The following SLCO5A1 variants were observed in gnomAD, a reference collection of about 807,000 sequenced individuals.
SLCO5A1 encodes organic anion transporter polypeptide-related protein 4.
SLCO5A1 carries 39 observed loss-of-function variants against 65.1 expected under a neutral mutation model. That is an observed-to-expected ratio of 0.60 (90% CI 0.46 to 0.78). SLCO5A1 has a LOEUF of 0.78. SLCO5A1 is among the 30% of genes least tolerant of loss of function. The probability of loss-of-function intolerance (pLI) is 0.00; values close to 1 mark genes in which losing one functional copy is unlikely to be tolerated. For missense variants in SLCO5A1, 1,029 were observed against 1,069.4 expected, an observed-to-expected ratio of 0.96 and a Z score of 0.53; for synonymous variants, 438 against 415.7, an observed-to-expected ratio of 1.05 and a Z score of -0.65.
intron 5 of SLCO5A1, among the ~76,000 whole-genome samples, chr8:69,707,557 A>G (rs958645211): frequency 2.6e-5 from 4 of 152,198 alleles, no homozygotes; most frequent in African/African-American, 9.7e-5. Context: ...GACCATGAAA[A>G]GGAGCTCAGG....
rs530274740 is a variant in SLCO5A1 at position 69,672,083 on chromosome 8, C to G, written c.*786G>C. The stretch of plus-strand genomic sequence containing the variant: ...CAGTTTCTAGCCATATTGTTTAGCA[C>G]ACTAGTTTTAATGCTCCTTACAAAA... On this transcript the variant is annotated 3_prime_UTR_variant, in exon 10 of 10. Coordinates refer to ENST00000260126, the MANE Select transcript of SLCO5A1 (RefSeq NM_030958.3). 2.4e-4 allele frequency: 36 copies of G among 152,292 alleles called. No homozygotes were observed. The highest frequency in any genetic ancestry group is 7.9e-4 in the African/African-American group (33 of 41,562). The allele number at this position is 152,292 out of a possible 1,614,324, so 9.4% of individuals were successfully genotyped here. A position where few individuals can be genotyped will look rare whatever the true frequency, so the allele number is the denominator to read the frequency against.
At chr8:69,675,441 T>C (rs1312435977) in intron 9 of SLCO5A1, among the ~76,000 whole-genome samples, 1 of 152,148 alleles carries the variant, frequency 6.6e-6, no homozygotes, top group African/African-American at 2.4e-5. Context: ...CCTCCCAAAG[T>C]GCAGGGATTA....
rs971029838 is a variant in SLCO5A1 at position 69,773,279 on chromosome 8, C to T, written c.908-11404G>A. On this transcript the variant is annotated intron_variant, in intron 2 of 9. Coordinates refer to ENST00000260126, the MANE Select transcript of SLCO5A1 (RefSeq NM_030958.3). ...GGCAGTACAGAACTGGCTCCCTCTA[C>T]CATGCAATAGCATTTGGAAATGGTC... is the stretch of plus-strand genomic sequence containing the variant. Among the ~76,000 whole-genome samples, 78 of 152,278 alleles carry T rather than the reference C, an allele frequency of 5.1e-4. 1 individual carries two copies. The highest frequency in any genetic ancestry group is 1.9e-3 in the African/African-American group (77 of 41,560).
intron 2 of SLCO5A1, among the ~76,000 whole-genome samples, chr8:69,786,696 A>G (rs973640015): frequency 6.6e-6 from 1 of 152,206 alleles, no homozygotes; most frequent in African/African-American, 2.4e-5. Flanking sequence ...GTAGTCATCT[A>G]TAAAATGGAG....
At chr8:69,790,876 T>G (rs1819238292) in intron 2 of SLCO5A1, among the ~76,000 whole-genome samples, 1 of 152,006 alleles carries the variant, frequency 6.6e-6, no homozygotes, top group Admixed American at 6.6e-5. Context: ...GAAGACTGAG[T>G]AACAACTGAG....
chr8:69,813,167 T>A (rs1256108704), intron 2 of SLCO5A1, among the ~76,000 whole-genome samples: 1 of 152,192 alleles, frequency 6.6e-6, no homozygotes, highest in South Asian at 2.1e-4. Context: ...CTATGCAGTC[T>A]TACTCACTTA....
intron 2 of SLCO5A1, among the ~76,000 whole-genome samples, chr8:69,811,836 G>C (rs991641468): frequency 6.6e-6 from 1 of 152,216 alleles, no homozygotes; most frequent in Non-Finnish European, 1.5e-5. Context: ...ACAGAGGCAG[G>C]ACTGGGCACA....
chr8:69,827,604 A>AT (rs1167683822), intron 2 of SLCO5A1, among the ~76,000 whole-genome samples: 2 of 152,122 alleles, frequency 1.3e-5, no homozygotes, highest in African/African-American at 4.8e-5. Flanking sequence ...CTACTACCTG[A>AT]TTTTTTTCTT....
intron 2 of SLCO5A1, among the ~76,000 whole-genome samples, chr8:69,818,448 C>A (rs1213271209): frequency 3.3e-5 from 5 of 152,192 alleles, no homozygotes; most frequent in African/African-American, 9.7e-5. Flanking sequence ...TTGACAAGAT[C>A]CCCTGAGAGT....
chr8:69,704,942 G>A (rs1034888117), intron 6 of SLCO5A1, 89 bp downstream of exon 6: 1 of 1,185,080 alleles, frequency 8.4e-7, no homozygotes, highest in South Asian at 1.3e-5. Context: ...TTGGAGGGAG[G>A]GGTATGAGGC....
rs1563722860 is a variant in SLCO5A1 at position 69,784,864 on chromosome 8, G to GAAAGAAAGAAAGA, written c.908-22990_908-22989insTCTTTCTTTCTTT. Among the ~76,000 whole-genome samples the GAAAGAAAGAAAGA allele has an allele frequency of 1.8e-3, 82 of 44,878 alleles. 1 individual carries two copies. The highest frequency in any genetic ancestry group is 3.3e-3 in the Admixed American group (14 of 4,212). The allele number at this position is 44,878 out of a possible 152,430, so 29.4% of individuals were successfully genotyped here. Reference sequence around the variant, plus strand: ...GAAAGAAAGAAAGAAAGAAAGAAAGGGAAGGAAGGAGAAAGAAAGAAAGAA... The same window carrying GAAAGAAAGAAAGA: ...GAAAGAAAGAAAGAAAGAAAGAAAGGAAAGAAAGAAAGAGAAGGAAGGAGAAAGAAAGAAAGAA... On this transcript the variant is annotated intron_variant, in intron 2 of 9. Coordinates refer to ENST00000260126, the MANE Select transcript of SLCO5A1 (RefSeq NM_030958.3).
chr8:69,809,650 A>T (rs558384908), intron 2 of SLCO5A1, among the ~76,000 whole-genome samples: 7 of 152,154 alleles, frequency 4.6e-5, no homozygotes, highest in African/African-American at 1.7e-4. Flanking sequence ...TTATTATGCC[A>T]ACTTTATTAT....
At chr8:69,789,241 C>A (rs1245409778) in intron 2 of SLCO5A1, among the ~76,000 whole-genome samples, 3 of 152,218 alleles carry the variant, frequency 2.0e-5, no homozygotes, top group African/African-American at 4.8e-5. Context: ...TTGTTGGCTT[C>A]TCTTTTATCC....
At chr8:69,732,252 C>T (rs1225531690) in intron 5 of SLCO5A1, among the ~76,000 whole-genome samples, 1 of 152,072 alleles carries the variant, frequency 6.6e-6, no homozygotes, top group Non-Finnish European at 1.5e-5. Context: ...ACACCCCAAC[C>T]TAATTCTTTT....
At chr8:69,723,350 C>A (rs1051567882) in intron 5 of SLCO5A1, among the ~76,000 whole-genome samples, 7 of 152,118 alleles carry the variant, frequency 4.6e-5, no homozygotes, top group Admixed American at 1.3e-4. Flanking sequence ...ATTTTGGGTT[C>A]AAGCAATCCT....
intron 2 of SLCO5A1, among the ~76,000 whole-genome samples, chr8:69,789,395 G>A (rs1819172978): frequency 6.6e-6 from 1 of 152,218 alleles, no homozygotes; most frequent in Non-Finnish European, 1.5e-5. Context: ...AGCTTCCTAG[G>A]CAAGAAGTGT....
At chr8:69,724,195 G>A (rs1268203420) in intron 5 of SLCO5A1, among the ~76,000 whole-genome samples, 1 of 152,090 alleles carries the variant, frequency 6.6e-6, no homozygotes, top group Non-Finnish European at 1.5e-5. Context: ...TTTCAAAAGG[G>A]TTTGGTATTT....
intron 4 of SLCO5A1, among the ~76,000 whole-genome samples, chr8:69,749,623 C>CAA (rs376944787): frequency 6.8e-5 from 9 of 131,878 alleles, no homozygotes; most frequent in African/African-American, 2.3e-4. Flanking sequence ...AAGACAGTCT[C>CAA]AAAAAAAAAA....
intron 5 of SLCO5A1, chr8:69,714,847 G>C (rs1407110285): frequency 1.3e-5 from 2 of 152,138 alleles, no homozygotes; most frequent in Non-Finnish European, 2.9e-5. Flanking sequence ...TACCAACACA[G>C]GGAGACACTG....
Sources: gnomAD v4.1 joint callset for allele counts (sites outside exome capture counted in the v4.1 genomes callset) on GRCh38, gnomAD v4.1.1 for gene constraint, MANE v1.5 for transcripts, NCBI Gene and HGNC (gene_info 2026-07-23, HGNC 2026-07-21) for gene names.